XBP1: variants seen among roughly 807,000 people sequenced by gnomAD.
The protein encoded by XBP1 is X-box binding protein 1.
In XBP1, 18 loss-of-function variants were observed where a neutral mutation model predicts 34.6. The ratio of observed to expected loss-of-function variants is 0.52; its 90% CI spans 0.36 to 0.77. XBP1 has a LOEUF of 0.77. Among genes scored for constraint, XBP1 ranks in the 30% least tolerant of loss-of-function variants. XBP1 has a pLI of 0.00. For synonymous variants in XBP1, 191 were observed against 193.4 expected (o/e 0.99, Z 0.11); for missense variants, 422 against 464.6 (o/e 0.91, Z 0.84).
At chr22:28,800,073 A>T in intron 1 of XBP1, 1 of 763,312 alleles carries the variant, frequency 1.3e-6, no homozygotes, top group Non-Finnish European at 2.4e-6. Flanking sequence ...AGAGTTAAAA[A>T]GTACAGAAAA....
exon 1 of XBP1, chr22:28,800,511 G>A (rs1287435517): frequency 6.7e-6 from 10 of 1,487,484 alleles, no homozygotes; most frequent in African/African-American, 1.5e-5. Flanking sequence ...CGGCGCGGCT[G>A]CCACCACCAC....
At chr22:28,797,241 T>C (rs2031768204) in intron 2 of XBP1, 36 bp from the exon 3 acceptor site, 2 of 1,598,310 alleles carry the variant, frequency 1.3e-6, no homozygotes, top group Admixed American at 3.6e-5. Flanking sequence ...TTAAAACATC[T>C]AATTATTTCA....
At chr22:28,795,631 G>A (rs760505039) in exon 6 of XBP1, 21 of 1,612,944 alleles carry the variant, frequency 1.3e-5, no homozygotes, top group African/African-American at 4.0e-5. Flanking sequence ...GTCCTTCTGG[G>A]TAGACCTCTG....
chr22:28,797,639 G>A (rs556180809), intron 2 of XBP1, among the ~76,000 whole-genome samples: 1 of 152,072 alleles, frequency 6.6e-6, no homozygotes, highest in East Asian at 1.9e-4. Flanking sequence ...AAAATTAGCT[G>A]GATGTGGTGA....
Position 28,800,450 on chromosome 22 carries a change from G to A in XBP1, c.75C>T (p.Ala25=), listed in dbSNP as rs763041585. Residue 25 remains alanine, a synonymous_variant, in exon 1 of 6, where the codon GCC becomes GCT. Transcript: ENST00000344347. Reference sequence around the variant, plus strand: ...GGCCGGCCGGGGCTCCGGCGGCGGAGGCGGGCTGCCCCGACAGAAGCAGAA... The same window carrying A: ...GGCCGGCCGGGGCTCCGGCGGCGGAAGCGGGCTGCCCCGACAGAAGCAGAA... 187 of 1,471,730 alleles carry A rather than the reference G, an allele frequency of 1.3e-4. 5 individuals carry two copies. The South Asian group carries it at 2.4e-3, about 19-fold the overall frequency. 91.2% of individuals were successfully genotyped at this position (1,471,730 alleles called of 1,614,324 possible).
intron 2 of XBP1, 102 bp downstream of exon 2, chr22:28,798,955 C>T (rs924979553): frequency 1.1e-6 from 1 of 900,288 alleles, no homozygotes; most frequent in Non-Finnish European, 1.7e-6. Context: ...CAATTGTATT[C>T]TAATAGGGGC....
chr22:28,797,303 T>C, intron 2 of XBP1, 98 bp from the exon 3 acceptor site: 1 of 1,391,796 alleles, frequency 7.2e-7, no homozygotes, highest in South Asian at 1.3e-5. Context: ...TTCTTGAACT[T>C]TTGGAAAACT....
chr22:28,799,062 C>T (rs1380628847), exon 2 of XBP1: 1 of 1,613,650 alleles, frequency 6.2e-7, no homozygotes, highest in Non-Finnish European at 8.5e-7. Context: ...TTTACCTCTT[C>T]TTCTAAATCT....
intron 3 of XBP1, 54 bp downstream of exon 3, chr22:28,797,023 A>C: frequency 6.4e-7 from 1 of 1,554,212 alleles, no homozygotes; most frequent in Non-Finnish European, 8.7e-7. Flanking sequence ...TCGCTGGGTC[A>C]TGTCACTTGG....
At chr22:28,795,073 A>G, downstream of XBP1, 1 of 1,129,972 alleles carries the variant, frequency 8.8e-7, no homozygotes, top group Non-Finnish European at 1.2e-6. Flanking sequence ...AGGACTGTAT[A>G]CTCTCTATTT....
At chr22:28,800,454 G>A in exon 1 of XBP1, 1 of 1,472,926 alleles carries the variant, frequency 6.8e-7, no homozygotes, top group Non-Finnish European at 8.9e-7. Flanking sequence ...GGCGGAGGCG[G>A]GCTGCCCCGA....
chr22:28,795,138 A>G, downstream of XBP1: 1 of 1,464,196 alleles, frequency 6.8e-7, no homozygotes, highest in Non-Finnish European at 9.0e-7. Context: ...AGGCAGTGTA[A>G]TAGTCAAGGA....
intron 3 of XBP1, 153 bp downstream of exon 3, chr22:28,796,924 G>T: frequency 1.1e-6 from 1 of 907,584 alleles, no homozygotes; most frequent in Non-Finnish European, 1.6e-6. Context: ...GCCTTTAGGG[G>T]AAGAACACTC....
exon 1 of XBP1, chr22:28,800,352 G>A (rs2031856966): frequency 3.9e-6 from 6 of 1,546,840 alleles, no homozygotes; most frequent in South Asian, 3.6e-5. Flanking sequence ...TCGCTTGCGC[G>A]CCTGGGGCAG....
rs138503547 is a variant in XBP1 at position 28,799,763 on chromosome 22, C to T, written c.227+535G>A. On this transcript the variant is annotated intron_variant, in intron 1 of 5. Transcript: ENST00000344347. Reference sequence around the variant, plus strand: ...ATGATCACAAAAGAGTGAACATTTACGGAGGACTAAGTGCTAGGCACATTA... The same window carrying T: ...ATGATCACAAAAGAGTGAACATTTATGGAGGACTAAGTGCTAGGCACATTA... Among the ~76,000 whole-genome samples the T allele has an allele frequency of 5.0e-3, 759 of 152,280 alleles. 5 individuals are homozygous for T. Among genetic ancestry groups the T allele is most frequent in the African/African-American group, 0.017 (708 of 41,572 alleles).
intron 5 of XBP1, 110 bp downstream of exon 5, chr22:28,795,937 C>G: frequency 6.9e-7 from 1 of 1,454,288 alleles, no homozygotes; most frequent in Admixed American, 1.7e-5. Context: ...CACCTCCAAC[C>G]CCACCAAAAA....
At chr22:28,800,556 C>T (rs761040276), upstream of XBP1, 6 of 1,469,608 alleles carry the variant, frequency 4.1e-6, no homozygotes, top group Non-Finnish European at 5.4e-6. Flanking sequence ...CACCGCGCGC[C>T]GCAGCCGCCC....
chr22:28,800,516 C>G (rs1166723482), exon 1 of XBP1: 1 of 1,491,632 alleles, frequency 6.7e-7, no homozygotes, highest in Non-Finnish European at 8.8e-7. Flanking sequence ...CGGCTGCCAC[C>G]ACCACCATAG....
chr22:28,800,206 C>A, intron 1 of XBP1, 92 bp downstream of exon 1: 1 of 1,412,512 alleles, frequency 7.1e-7, no homozygotes, highest in East Asian at 2.5e-5. Context: ...TGCGGGGCGG[C>A]CAGTGCTGGG....
Sources: gnomAD v4.1 joint callset for allele counts (sites outside exome capture counted in the v4.1 genomes callset) on GRCh38, gnomAD v4.1.1 for gene constraint, MANE v1.5 for transcripts, NCBI Gene and HGNC (gene_info 2026-07-23, HGNC 2026-07-21) for gene names.